Variants in MKX observed in about 807,000 individuals in gnomAD.
MKX encodes homeobox protein Mohawk.
MKX carries 13 observed loss-of-function variants against 36.0 expected under a neutral mutation model. The ratio of observed to expected loss-of-function variants is 0.36; its 90% CI spans 0.24 to 0.57. The LOEUF (loss-of-function observed/expected upper bound fraction) is 0.57. MKX is among the 20% of genes least tolerant of loss of function. MKX has a pLI of 0.79. For missense variants in MKX, 458 were observed against 456.4 expected (o/e 1.00, Z -0.03); for synonymous variants, 176 against 178.3 (o/e 0.99, Z 0.10).
chr10:27,728,771 G>A (rs1200553626), intron 5 of MKX, among the ~76,000 whole-genome samples: 1 of 152,202 alleles, frequency 6.6e-6, no homozygotes, highest in African/African-American at 2.4e-5. Flanking sequence ...GGCACACAGT[G>A]TGCAGGAAGA....
rs78299155 is a variant in MKX, at chr10:27,696,998, G to A, written c.839-21444C>T. Among the ~76,000 whole-genome samples the A allele has an allele frequency of 5.8e-3, 881 of 152,240 alleles. 7 individuals carry two copies. Among genetic ancestry groups the A allele is most frequent in the African/African-American group, 0.02 (844 of 41,528 alleles). ...TCACAACTTTTCACAAAGTAACCACGTGTTACCTAAAAGACTTAAATTGTA... is the reference window on the plus strand; with the variant it reads ...TCACAACTTTTCACAAAGTAACCACATGTTACCTAAAAGACTTAAATTGTA... On this transcript the variant is annotated intron_variant, in intron 5 of 6. Transcript: ENST00000419761.
rs1836118073 is a variant in MKX at position 27,675,027 on chromosome 10, A to C, written c.*202T>G. ...TTTATGCATAGTTTGAGTAACATAA[A>C]ATAAGTTAATATTTTTGATTAAAAT... is the stretch of plus-strand genomic sequence containing the variant. On this transcript the variant is annotated 3_prime_UTR_variant, in exon 7 of 7. Coordinates refer to ENST00000419761, the MANE Select transcript of MKX (RefSeq NM_173576.3). The C allele has an allele frequency of 2.1e-6, 1 of 485,626 alleles. No homozygotes were observed. The highest frequency in any genetic ancestry group is 1.9e-5 in the African/African-American group (1 of 51,340). 30.1% of individuals were successfully genotyped at this position (485,626 alleles called of 1,614,324 possible).
intron 5 of MKX, among the ~76,000 whole-genome samples, chr10:27,689,241 T>C (rs1005055648): frequency 5.3e-5 from 8 of 152,232 alleles, no homozygotes; most frequent in African/African-American, 1.9e-4. Flanking sequence ...TTCTTGGCTC[T>C]TCACAAGAGC....
intron 5 of MKX, among the ~76,000 whole-genome samples, chr10:27,683,877 G>A (rs1383566194): frequency 4.6e-5 from 7 of 152,142 alleles, no homozygotes; most frequent in East Asian, 1.9e-4. Context: ...GACCCCCAGG[G>A]CTCACAAGCA....
intron 5 of MKX, among the ~76,000 whole-genome samples, chr10:27,679,666 T>C (rs1241603729): frequency 6.6e-6 from 1 of 152,162 alleles, no homozygotes. Flanking sequence ...TCTGGGAGTC[T>C]GGGGAGTTGT....
chr10:27,684,903 A>G (rs900123098), intron 5 of MKX, among the ~76,000 whole-genome samples: 1 of 152,246 alleles, frequency 6.6e-6, no homozygotes, highest in Non-Finnish European at 1.5e-5. Flanking sequence ...ACAGTTCACA[A>G]TAGGGTTCAC....
intron 5 of MKX, among the ~76,000 whole-genome samples, chr10:27,711,477 TTCTTTCTC>T (rs1195222930): frequency 3.0e-4 from 3 of 10,050 alleles, no homozygotes; most frequent in Admixed American, 1.0e-3. Context: ...CTTTCTTTCT[TTCTTTCTC>T]TCTCTCTCTC....
chr10:27,711,101 G>A (rs1220519523), intron 5 of MKX, among the ~76,000 whole-genome samples: 1 of 151,962 alleles, frequency 6.6e-6, no homozygotes, highest in Non-Finnish European at 1.5e-5. Flanking sequence ...TAATTTTTTT[G>A]TACTATCCAT....
chr10:27,737,828 C>T (rs1433306219), intron 3 of MKX, among the ~76,000 whole-genome samples: 1 of 152,058 alleles, frequency 6.6e-6, no homozygotes, highest in Non-Finnish European at 1.5e-5. Context: ...AACCTTAAAT[C>T]TTCACACAGC....
intron 5 of MKX, among the ~76,000 whole-genome samples, chr10:27,691,991 G>A (rs961349846): frequency 1.1e-4 from 17 of 152,276 alleles, no homozygotes; most frequent in Non-Finnish European, 1.5e-4. Flanking sequence ...GTTTGGTATT[G>A]TGAATAGTGC....
chr10:27,729,496 G>A (rs1834574276), intron 5 of MKX, among the ~76,000 whole-genome samples: 1 of 151,826 alleles, frequency 6.6e-6, no homozygotes. Context: ...TGGTAGAGAT[G>A]GGGTTTCACT....
At chr10:27,734,087 T>G (rs558452465) in intron 5 of MKX, among the ~76,000 whole-genome samples, 38 of 152,260 alleles carry the variant, frequency 2.5e-4, no homozygotes, top group Non-Finnish European at 2.8e-4. Context: ...TAAAAGCCAG[T>G]ATACACCCCC....
At position 27,741,260 on chromosome 10, in the gene MKX, G is replaced by A. The variant is rs779698921; in HGVS notation, c.348+85C>T. ...ATCCCTCTCCAGGTAGAAGCGCCAC[G>A]TGGAGAGCCACACGAACTCTAAGCG... On this transcript the variant is annotated intron_variant, in intron 3 of 6. Coordinates refer to ENST00000419761, the MANE Select transcript of MKX (RefSeq NM_173576.3). The surrounding 1 kb of genome is among the most constrained non-coding windows in gnomAD (Gnocchi z 5.1). The A allele has an allele frequency of 3.2e-6, 5 of 1,542,590 alleles. No individual in the cohort carries two copies. Among genetic ancestry groups the A allele is most frequent in the Admixed American group, 3.8e-5 (2 of 52,104 alleles).
At chr10:27,737,876 A>C (rs542637815) in intron 3 of MKX, among the ~76,000 whole-genome samples, 20 of 152,274 alleles carry the variant, frequency 1.3e-4, no homozygotes, top group Middle Eastern at 3.4e-3. Flanking sequence ...AATTCTTATG[A>C]AACTCTTCTT....
chr10:27,690,290 G>GA lies in MKX; in HGVS notation c.839-14737dup, dbSNP rs1395902717. On this transcript the variant is annotated intron_variant, in intron 5 of 6. Transcript: ENST00000419761. ...GGAGGCTGAGGCCAGAGATTCATTT[G>GA]AGCCCGGAGGCGGAGGTTGCAGTGA... Among the ~76,000 whole-genome samples the GA allele has an allele frequency of 9.6e-5, 5 of 52,316 alleles. No individual in the cohort carries two copies. In the Admixed American group the frequency reaches 1.2e-3, roughly 12 times the overall value. 34.3% of individuals were successfully genotyped at this position (52,316 alleles called of 152,430 possible).
At position 27,741,375 on chromosome 10, in the gene MKX, C is replaced by T; in HGVS notation, c.318G>A (p.Leu106=). 1 of 1,613,354 alleles carries T rather than the reference C, an allele frequency of 6.2e-7. No homozygotes were observed. The highest frequency in any genetic ancestry group is 8.5e-7 in the Non-Finnish European group (1 of 1,179,680). The change falls in exon 3 of 7, where the codon TTG becomes TTA. Residue 106 remains leucine (L), a synonymous_variant. Coordinates refer to ENST00000419761, the MANE Select transcript of MKX (RefSeq NM_173576.3). The surrounding 1 kb of genome is among the most constrained non-coding windows in gnomAD (Gnocchi z 5.1). ...PYPTKTEKIL[L]ALGSQMTLVQ... ...CTAGCGTCATCTGCGAGCCGAGGGC[C>T]AAGAGTATCTTCTCGGTCTTGGTGG...
At chr10:27,739,544 AT>A (rs1834849079) in intron 3 of MKX, among the ~76,000 whole-genome samples, 1 of 152,138 alleles carries the variant, frequency 6.6e-6, no homozygotes, top group African/African-American at 2.4e-5. Context: ...TGTAAAAAGC[AT>A]TTTTATTTGT....
chr10:27,700,881 A>T (rs556418910), intron 5 of MKX, among the ~76,000 whole-genome samples: 2 of 152,168 alleles, frequency 1.3e-5, no homozygotes, highest in African/African-American at 4.8e-5. Flanking sequence ...GTTTTCCCCT[A>T]CCAAAATTAA....
At position 27,743,285 on chromosome 10, in the gene MKX, C is replaced by G. The variant is rs1834956546; in HGVS notation, c.131G>C (p.Gly44Ala). The change falls in exon 2 of 7, where the codon GGC (glycine) becomes GCC (alanine). Residue 44 changes from glycine (G) to alanine (A), a missense_variant. Transcript: ENST00000419761. ...CTTGAGGGGCGGGCCGTCGGGAATG[C>G]CCACCTCGGGGCGGGCGTGAGGACT... The part of the protein sequence containing the change: ...LDSPHARPEV[G>A]IPDGPPLKDN... 2 of 1,553,000 alleles carry G rather than the reference C, an allele frequency of 1.3e-6. No homozygotes were observed. Among genetic ancestry groups the G allele is most frequent in the Middle Eastern group, 1.7e-4 (1 of 5,878 alleles).
Sources: allele counts gnomAD v4.1 joint callset (sites outside exome capture counted in the v4.1 genomes callset), GRCh38; gene constraint gnomAD v4.1.1; non-coding constraint Gnocchi (gnomAD v3.1); transcripts MANE v1.5; gene names NCBI Gene and HGNC (gene_info 2026-07-23, HGNC 2026-07-21).